LPA: variants seen among roughly 807,000 people sequenced by gnomAD.
LPA encodes lipoprotein(a).
In LPA, 199 loss-of-function variants were observed where a neutral mutation model predicts 197.9. The observed-to-expected ratio is 1.01, with a 90% CI of 0.90 to 1.13. The LOEUF (loss-of-function observed/expected upper bound fraction) is 1.13, where lower values mean the gene tolerates loss of function less well. LPA is among the 50% of genes most tolerant of loss of function. The probability of loss-of-function intolerance (pLI) is 0.00; values close to 1 mark genes in which losing one functional copy is unlikely to be tolerated. For synonymous variants in LPA, 715 were observed against 639.5 expected (o/e 1.12, Z -1.78); for missense variants, 1,853 against 1,785.8 (o/e 1.04, Z -0.68).
In LPA at chr6:160,545,516, A is replaced by G. The variant is rs1318424299; in HGVS notation, c.5322T>C (p.Asp1774=). 2 of 1,613,138 alleles carry G rather than the reference A, an allele frequency of 1.2e-6. No individual in the cohort carries two copies. Among genetic ancestry groups the G allele is most frequent in the Admixed American group, 3.3e-5 (2 of 60,014 alleles). ...AGCACCAGGGACCATTGATGTCACC[A>G]TCAGGGTTACGGCAGTACTGAAAAC... ...GLEKNYCRNP[D]GDINGPWCYT... Residue 1774 remains aspartate (D), a synonymous_variant, in exon 33 of 39, where the codon GAT becomes GAC. Transcript: ENST00000316300.
At chr6:160,657,557 C>T (rs1454224352) in intron 1 of LPA, among the ~76,000 whole-genome samples, 1 of 152,036 alleles carries the variant, frequency 6.6e-6, no homozygotes, top group Non-Finnish European at 1.5e-5. Flanking sequence ...CATCACCATG[C>T]CCAGCTAATT....
intron 26 of LPA, among the ~76,000 whole-genome samples, chr6:160,584,222 TTCTTCTTCTTCTTCTTCC>T (rs199872365): frequency 0.045 from 5,090 of 112,394 alleles, 203 homozygotes; most frequent in East Asian, 0.16. Flanking sequence ...CTTCTTCTTC[TTCTTCTTCTTCTTCTTCC>T]TCCTCCTCCT....
At chr6:160,615,403 C>G (rs1357646762) in intron 14 of LPA, among the ~76,000 whole-genome samples, 1 of 104,408 alleles carries the variant, frequency 9.6e-6, no homozygotes, top group Non-Finnish European at 1.9e-5. Context: ...TCTGTAGGTT[C>G]TCTAAAATTG....
At chr6:160,544,139 A>G (rs1778026341) in intron 33 of LPA, among the ~76,000 whole-genome samples, 1 of 152,144 alleles carries the variant, frequency 6.6e-6, no homozygotes, top group African/African-American at 2.4e-5. Flanking sequence ...CATGGGAGTC[A>G]AAGGTGCATG....
At chr6:160,539,830 C>T (rs898764001) in intron 36 of LPA, among the ~76,000 whole-genome samples, 2 of 68,540 alleles carry the variant, frequency 2.9e-5, no homozygotes, top group African/African-American at 2.0e-4. Flanking sequence ...TCTTTTTCCA[C>T]GTGAGGAAAC....
At chr6:160,658,852 G>A (rs1056842549) in intron 1 of LPA, among the ~76,000 whole-genome samples, 43 of 108,122 alleles carry the variant, frequency 4.0e-4, no homozygotes, top group South Asian at 1.3e-3. Flanking sequence ...GGGTTCTCTA[G>A]AGGGACAGAA....
chr6:160,599,904 A>G (rs1293029146), intron 19 of LPA, among the ~76,000 whole-genome samples: 1 of 152,222 alleles, frequency 6.6e-6, no homozygotes, highest in East Asian at 1.9e-4. Flanking sequence ...AAGAAATATC[A>G]GATTGCTTCT....
rs544137228 is a variant in LPA at position 160,594,115 on chromosome 6, G to C, written c.3472C>G (p.Pro1158Ala). The change falls in exon 22 of 39, where the codon CCA becomes GCA. Residue 1158 changes from proline (P) to alanine (A), a missense_variant and splice_region_variant. Around this residue, in one of 3 missense-constraint regions of LPA, gnomAD observed 1,737 missense variants for 1,504.4 expected, o/e 1.15. Transcript: ENST00000316300. ...TGGACCCCGGGGCTTTGCTCCGTTG[G>C]TGCTGAAATTCAAAGAGGAGAAATC... ...PSTEASSEEAPTEQSPGVQDC... is the reference protein window; with the variant it reads ...PSTEASSEEAATEQSPGVQDC... The C allele has an allele frequency of 3.8e-5, 61 of 1,613,818 alleles. 5 individuals are homozygous for C. In the South Asian group the frequency reaches 6.3e-4, roughly 17 times the overall value.
At chr6:160,657,613 T>G (rs888989396) in intron 1 of LPA, among the ~76,000 whole-genome samples, 2 of 152,078 alleles carry the variant, frequency 1.3e-5, no homozygotes, top group African/African-American at 2.4e-5. Flanking sequence ...TAGCCAGAAT[T>G]GTCTCAATCT....
intron 28 of LPA, among the ~76,000 whole-genome samples, chr6:160,558,149 G>A (rs1210245156): frequency 6.6e-6 from 1 of 152,020 alleles, no homozygotes; most frequent in African/African-American, 2.4e-5. Context: ...TCAATCTCCT[G>A]ACCTCGTGAT....
intron 28 of LPA, among the ~76,000 whole-genome samples, chr6:160,560,152 G>T (rs1778337398): frequency 6.6e-6 from 1 of 152,196 alleles, no homozygotes; most frequent in Non-Finnish European, 1.5e-5. Context: ...GTATTCCACA[G>T]TGTATATGTG....
chr6:160,594,104 T>C lies in LPA; in HGVS notation c.3483A>G (p.Gln1161=). 20 of 1,613,804 alleles carry C rather than the reference T, an allele frequency of 1.2e-5. No individual in the cohort carries two copies. Among genetic ancestry groups the C allele is most frequent in the Non-Finnish European group, 1.6e-5 (19 of 1,179,798 alleles). The change falls in exon 22 of 39, where the codon CAA becomes CAG. Residue 1161 remains glutamine (Q), a synonymous_variant. Coordinates refer to ENST00000316300, the MANE Select transcript of LPA (RefSeq NM_005577.4). ...EASSEEAPTE[Q]SPGVQDCYHG... is the part of the protein sequence containing the mutation. ...GGTAGCAATCCTGGACCCCGGGGCT[T>C]TGCTCCGTTGGTGCTGAAATTCAAA...
chr6:160,552,670 G>C (rs1778185308), intron 30 of LPA, among the ~76,000 whole-genome samples: 2 of 152,158 alleles, frequency 1.3e-5, no homozygotes, highest in Non-Finnish European at 1.5e-5. Flanking sequence ...GCTTATTTAT[G>C]ATTCAGGTTT....
intron 28 of LPA, among the ~76,000 whole-genome samples, chr6:160,558,657 T>G (rs1039863611): frequency 7.2e-5 from 11 of 152,058 alleles, no homozygotes; most frequent in South Asian, 2.1e-4. Flanking sequence ...GGGACCCAAG[T>G]CATAAAGGGC....
chr6:160,591,385 C>T (rs1183075163), intron 22 of LPA, among the ~76,000 whole-genome samples: 1 of 152,154 alleles, frequency 6.6e-6, no homozygotes, highest in East Asian at 1.9e-4. Context: ...TACCCTCCTT[C>T]CACCTTCTGC....
Position 160,542,810 on chromosome 6 carries a change from TG to T in LPA, c.5399-3del. On this transcript the variant is annotated splice_region_variant and splice_polypyrimidine_tract_variant and intron_variant, in intron 33 of 38. Transcript: ENST00000316300. The stretch of plus-strand genomic sequence containing the variant: ...TCCCACAATCAAATGAAGAGGATGC[TG>T]TGGCACAAGGTGGGAAAAGAAGTCG... 6.2e-7 allele frequency: 1 copy of T among 1,614,038 alleles called. No individual in the cohort carries two copies. Among genetic ancestry groups the T allele is most frequent in the South Asian group, 1.1e-5 (1 of 91,086 alleles).
chr6:160,576,392 ATATATATATATATATATATATATGGG>A (rs1193565722), intron 28 of LPA, among the ~76,000 whole-genome samples: 23,003 of 67,992 alleles, frequency 0.34, 2,945 homozygotes, highest in East Asian at 0.64. Flanking sequence ...ATATATATGT[ATATATATATATATATATATATATGGG>A]TATATATATA....
At chr6:160,555,849 G>A (rs1200062670) in intron 30 of LPA, among the ~76,000 whole-genome samples, 176 bp downstream of exon 30, 1 of 152,088 alleles carries the variant, frequency 6.6e-6, no homozygotes, top group East Asian at 1.9e-4. Flanking sequence ...AAGATAGCAA[G>A]CCTAAAATAC....
At chr6:160,536,610 A>G (rs891956515) in intron 37 of LPA, among the ~76,000 whole-genome samples, 3 of 152,148 alleles carry the variant, frequency 2.0e-5, no homozygotes, top group African/African-American at 7.2e-5. Flanking sequence ...CAGCTTCCTC[A>G]ATGGTAAAAT....
Sources: gnomAD v4.1 joint callset for allele counts (sites outside exome capture counted in the v4.1 genomes callset) on GRCh38, gnomAD v4.1.1 for gene constraint, gnomAD v4.1.1 regional missense constraint, MANE v1.5 for transcripts, NCBI Gene and HGNC (gene_info 2026-07-23, HGNC 2026-07-21) for gene names.